TRIM23: variants seen among roughly 807,000 people sequenced by gnomAD.
TRIM23 encodes the protein E3 ubiquitin-protein ligase TRIM23.
A neutral mutation model predicts 71.0 loss-of-function variants in TRIM23; 27 were observed. The ratio of observed to expected loss-of-function variants is 0.38; its 90% CI spans 0.28 to 0.52. TRIM23 has a LOEUF of 0.52. Among genes scored for constraint, TRIM23 ranks in the 20% least tolerant of loss-of-function variants. The pLI, the probability that TRIM23 is intolerant of heterozygous loss-of-function variation, is 0.84. For missense variants in TRIM23, 482 were observed against 692.3 expected, an observed-to-expected ratio of 0.70 and a Z score of 3.41; for synonymous variants, 234 against 238.0, an observed-to-expected ratio of 0.98 and a Z score of 0.16.
rs771490921 is a variant in TRIM23, at chr5:65,591,938, C to G, written c.1556G>C (p.Gly519Ala). Residue 519 changes from glycine to alanine, a missense_variant, in exon 11 of 11, where the codon GGA (glycine) becomes GCA (alanine). Transcript: ENST00000231524. ...LIFANKQDVA[G>A]ALSVEEITEL... ...AGTGATTTCTTCTACTGACAGTGCT[C>G]CAGCAACATCCTGAAAGATATATAC... 4 of 1,613,032 alleles carry G rather than the reference C, an allele frequency of 2.5e-6. No individual in the cohort carries two copies. Among genetic ancestry groups the G allele is most frequent in the Non-Finnish European group, 3.4e-6 (4 of 1,179,522 alleles).
chr5:65,621,832 A>T (rs185274664), intron 1 of TRIM23, among the ~76,000 whole-genome samples: 1,987 of 151,268 alleles, frequency 0.013, 50 homozygotes, highest in African/African-American at 0.045. Flanking sequence ...TATTATTATT[A>T]TTATTTTTTT....
intron 9 of TRIM23, among the ~76,000 whole-genome samples, chr5:65,594,923 T>C (rs1467640339): frequency 6.6e-6 from 1 of 152,188 alleles, no homozygotes; most frequent in Non-Finnish European, 1.5e-5. Flanking sequence ...ATCAAATAAC[T>C]TTTTACATAA....
intron 2 of TRIM23, among the ~76,000 whole-genome samples, chr5:65,615,282 A>G (rs537690398): frequency 1.3e-5 from 2 of 152,290 alleles, no homozygotes; most frequent in African/African-American, 4.8e-5. Flanking sequence ...ATTTTCAAAT[A>G]CTTTTTGCAG....
At chr5:65,612,398 T>G (rs1374583254) in intron 3 of TRIM23, among the ~76,000 whole-genome samples, 1 of 152,206 alleles carries the variant, frequency 6.6e-6, no homozygotes, top group East Asian at 1.9e-4. Context: ...AAATTCTTAT[T>G]TCAACAGGTT....
chr5:65,622,198 C>T (rs146189402), intron 1 of TRIM23, among the ~76,000 whole-genome samples: 2,205 of 152,252 alleles, frequency 0.014, 47 homozygotes, highest in African/African-American at 0.051. Context: ...TGGAGTCTCA[C>T]TCTGTCACCC....
At chr5:65,618,534 A>T (rs1307729213) in intron 1 of TRIM23, among the ~76,000 whole-genome samples, 1 of 152,188 alleles carries the variant, frequency 6.6e-6, no homozygotes, top group Non-Finnish European at 1.5e-5. Context: ...GAAAATTATG[A>T]TTTCAGTCAT....
rs976483046 is a variant in TRIM23, at chr5:65,591,396, A to T, written c.*373T>A. On this transcript the variant is annotated 3_prime_UTR_variant, in exon 11 of 11. Coordinates refer to ENST00000231524, the MANE Select transcript of TRIM23 (RefSeq NM_001656.4). Reference sequence around the variant, plus strand: ...ACTTGCTTCACACAGAGGTCTCATTAGGCACTCAATTGGCTATTCTTTTTT... The same window carrying T: ...ACTTGCTTCACACAGAGGTCTCATTTGGCACTCAATTGGCTATTCTTTTTT... 2.9e-5 allele frequency: 45 copies of T among 1,568,708 alleles called. No individual in the cohort carries two copies. The highest frequency in any genetic ancestry group is 3.6e-5 in the Non-Finnish European group (42 of 1,159,868).
intron 3 of TRIM23, among the ~76,000 whole-genome samples, chr5:65,613,011 G>A (rs1418253590): frequency 1.3e-5 from 2 of 152,002 alleles, no homozygotes; most frequent in African/African-American, 4.8e-5. Context: ...ATAATTGGAA[G>A]GGGAGAAATT....
chr5:65,611,501 T>C (rs1047985138), intron 4 of TRIM23, 102 bp downstream of exon 4: 4 of 1,350,154 alleles, frequency 3.0e-6, no homozygotes, highest in Non-Finnish European at 4.0e-6. Context: ...TTAACTCTTC[T>C]TCAATCCCTA....
rs1754009552 is a variant in TRIM23 at position 65,591,089 on chromosome 5, C to G, written c.*680G>C. 4.9e-6 allele frequency: 5 copies of G among 1,015,180 alleles called. No homozygotes were observed. The highest frequency in any genetic ancestry group is 1.7e-5 in the African/African-American group (1 of 57,504). The allele number at this position is 1,015,180 out of a possible 1,614,324, so 62.9% of individuals were successfully genotyped here. A position where few individuals can be genotyped will look rare whatever the true frequency, so the allele number is the denominator to read the frequency against. The stretch of plus-strand genomic sequence containing the variant: ...AGTTTTATTACTGTTCAGTTTATTA[C>G]TAACCTGACAAGCCTAATTGGGTAA... On this transcript the variant is annotated 3_prime_UTR_variant, in exon 11 of 11. Transcript: ENST00000231524.
intron 6 of TRIM23, among the ~76,000 whole-genome samples, chr5:65,606,581 T>G (rs1754513008): frequency 6.6e-6 from 1 of 152,214 alleles, no homozygotes; most frequent in South Asian, 2.1e-4. Context: ...CTTCGCTTAT[T>G]CTACTCCAGT....
intron 8 of TRIM23, 119 bp downstream of exon 8, chr5:65,596,932 A>G (rs550272794): frequency 2.4e-6 from 3 of 1,263,682 alleles, no homozygotes; most frequent in Admixed American, 4.7e-5. Context: ...TGAGATGCTG[A>G]TATCTTAGAG....
chr5:65,616,374 G>A (rs1413238928), intron 2 of TRIM23, among the ~76,000 whole-genome samples: 1 of 152,068 alleles, frequency 6.6e-6, no homozygotes, highest in Non-Finnish European at 1.5e-5. Context: ...AGCCAGGTGT[G>A]GTGGCTCATG....
At chr5:65,617,800 T>C (rs1035995599) in intron 2 of TRIM23, among the ~76,000 whole-genome samples, 1 of 152,228 alleles carries the variant, frequency 6.6e-6, no homozygotes, top group African/African-American at 2.4e-5. Flanking sequence ...ATTCACTCTG[T>C]GATACACATT....
At chr5:65,596,082 C>A (rs1444960967) in intron 9 of TRIM23, among the ~76,000 whole-genome samples, 1 of 152,144 alleles carries the variant, frequency 6.6e-6, no homozygotes, top group Non-Finnish European at 1.5e-5. Context: ...AATCATACAA[C>A]ATAAATTCAA....
In TRIM23 at chr5:65,604,866, T is replaced by C. The variant is rs1754455845; in HGVS notation, c.1179+45A>G. On this transcript the variant is annotated intron_variant, in intron 7 of 10. Transcript: ENST00000231524. ...ATTATCATGAAACGTAAATCAATTA[T>C]GATTTGTCAGAAAAAATACCTAAAA... The C allele has an allele frequency of 2.0e-6, 3 of 1,526,056 alleles. No individual in the cohort carries two copies. The Admixed American group carries it at 6.0e-5, about 30-fold the overall frequency. 94.5% of individuals were successfully genotyped at this position (1,526,056 alleles called of 1,614,324 possible). A position where few individuals can be genotyped will look rare whatever the true frequency, so the allele number is the denominator to read the frequency against.
chr5:65,590,960 ATTACT>A lies in TRIM23; in HGVS notation c.*804_*808del. On this transcript the variant is annotated 3_prime_UTR_variant, in exon 11 of 11. Coordinates refer to ENST00000231524, the MANE Select transcript of TRIM23 (RefSeq NM_001656.4). The stretch of plus-strand genomic sequence containing the variant: ...ATGCAATATTATATTAGAAAGAAAT[ATTACT>A]TTAAATTTGTTGAAAAATAGAAGGA... 1 of 984,678 alleles carries A rather than the reference ATTACT, an allele frequency of 1.0e-6. No homozygotes were observed. The highest frequency in any genetic ancestry group is 1.2e-6 in the Non-Finnish European group (1 of 829,230). The allele number at this position is 984,678 out of a possible 1,614,324, so 61.0% of individuals were successfully genotyped here.
intron 2 of TRIM23, among the ~76,000 whole-genome samples, chr5:65,617,691 A>C (rs1754811880): frequency 6.6e-6 from 1 of 152,198 alleles, no homozygotes; most frequent in Non-Finnish European, 1.5e-5. Flanking sequence ...GTAAATAAAA[A>C]CATGGTGAGA....
Position 65,608,736 on chromosome 5 carries a change from T to C in TRIM23, c.1044+507A>G, listed in dbSNP as rs146024534. Among the ~76,000 whole-genome samples, 79 of 152,328 alleles carry C rather than the reference T, an allele frequency of 5.2e-4. 1 individual carries two copies. The highest frequency in any genetic ancestry group is 1.6e-3 in the African/African-American group (66 of 41,584). ...TGCAAACTGGGTAACAAATTTCTTA[T>C]GGTATCTCAACCATCACAAAACATA... On this transcript the variant is annotated intron_variant, in intron 6 of 10. Coordinates refer to ENST00000231524, the MANE Select transcript of TRIM23 (RefSeq NM_001656.4).
Sources: gnomAD v4.1 joint callset for allele counts (sites outside exome capture counted in the v4.1 genomes callset) on GRCh38, gnomAD v4.1.1 for gene constraint, MANE v1.5 for transcripts, NCBI Gene and HGNC (gene_info 2026-07-23, HGNC 2026-07-21) for gene names.